LPAR1: variants seen among roughly 807,000 people sequenced by gnomAD.
The protein encoded by LPAR1 is LPA receptor 1.
Under a neutral mutation model 23.8 loss-of-function variants are expected in LPAR1, and 5 were observed. That is an observed-to-expected ratio of 0.21 (90% CI 0.11 to 0.44). The LOEUF (loss-of-function observed/expected upper bound fraction) is 0.44, where lower values mean the gene tolerates loss of function less well. LPAR1 is among the 20% of genes least tolerant of loss of function. LPAR1 has a pLI of 0.99. For synonymous variants in LPAR1, 160 were observed against 164.7 expected (o/e 0.97, Z 0.22); for missense variants, 311 against 482.8 (o/e 0.64, Z 3.33).
At chr9:110,925,914 G>GTT (rs940852739) in intron 5 of LPAR1, among the ~76,000 whole-genome samples, 1 of 151,070 alleles carries the variant, frequency 6.6e-6, no homozygotes, top group Non-Finnish European at 1.5e-5. Flanking sequence ...ATCAGAACTG[G>GTT]TTTTTTTTTG....
At chr9:110,938,118 C>T (rs146902452) in intron 5 of LPAR1, among the ~76,000 whole-genome samples, 5 of 152,154 alleles carry the variant, frequency 3.3e-5, no homozygotes, top group Non-Finnish European at 7.3e-5. Context: ...ACCAGATAGC[C>T]GTGACAGGCA....
At position 110,940,417 on chromosome 9, in the gene LPAR1, A is replaced by C. The variant is rs562979347; in HGVS notation, c.793+1004T>G. 3.2e-4 allele frequency among the ~76,000 whole-genome samples: 49 copies of C among 152,374 alleles called. 1 individual carries two copies. The South Asian group carries it at 9.5e-3, about 30-fold the overall frequency. On this transcript the variant is annotated intron_variant, in intron 5 of 5. Coordinates refer to ENST00000683809, the MANE Select transcript of LPAR1 (RefSeq NM_001351411.2). ...CCAAAAATGCTATATAAATTGGAGC[A>C]CAGAGAATTATAGGAACTTTCCATT...
intron 5 of LPAR1, among the ~76,000 whole-genome samples, chr9:110,888,306 C>T (rs542217923): frequency 5.3e-5 from 8 of 152,266 alleles, no homozygotes; most frequent in African/African-American, 1.9e-4. Flanking sequence ...CAATTTGGCT[C>T]CTCCAGAATA....
intron 4 of LPAR1, among the ~76,000 whole-genome samples, chr9:110,959,939 G>T (rs548913061): frequency 2.6e-4 from 39 of 152,032 alleles, no homozygotes; most frequent in African/African-American, 7.7e-4. Context: ...ATGAACATAG[G>T]ATTAAAAAAA....
chr9:110,958,760 G>A (rs1393755655), intron 4 of LPAR1, among the ~76,000 whole-genome samples: 1 of 151,628 alleles, frequency 6.6e-6, no homozygotes, highest in Non-Finnish European at 1.5e-5. Flanking sequence ...TAGAATGAGA[G>A]GCAACTGGTT....
intron 5 of LPAR1, among the ~76,000 whole-genome samples, chr9:110,937,704 A>C (rs1205585879): frequency 6.6e-6 from 1 of 152,236 alleles, no homozygotes; most frequent in Non-Finnish European, 1.5e-5. Context: ...ATTGCCCATT[A>C]TTAATCTCAA....
intron 2 of LPAR1, among the ~76,000 whole-genome samples, chr9:111,021,950 C>T (rs1233788706): frequency 7.2e-5 from 8 of 110,860 alleles, no homozygotes; most frequent in African/African-American, 2.3e-4. Flanking sequence ...GGTGACAGAG[C>T]GAGACTCCGT....
At chr9:111,008,694 A>C (rs1437028557) in intron 2 of LPAR1, among the ~76,000 whole-genome samples, 3 of 152,184 alleles carry the variant, frequency 2.0e-5, no homozygotes, top group African/African-American at 7.2e-5. Context: ...TAGGTAGGAA[A>C]GAGTCGCCCC....
chr9:110,910,655 C>A (rs141308270), intron 5 of LPAR1, among the ~76,000 whole-genome samples: 1 of 152,134 alleles, frequency 6.6e-6, no homozygotes, highest in Non-Finnish European at 1.5e-5. Flanking sequence ...AAAGAATTCA[C>A]CATTCTAGAT....
intron 4 of LPAR1, among the ~76,000 whole-genome samples, chr9:110,951,078 G>C (rs2136644724): frequency 6.6e-6 from 1 of 152,258 alleles, no homozygotes; most frequent in South Asian, 2.1e-4. Context: ...CTTGATATGA[G>C]AGATATGATT....
intron 2 of LPAR1, among the ~76,000 whole-genome samples, chr9:110,997,080 T>C (rs761182042): frequency 3.3e-5 from 5 of 152,314 alleles, no homozygotes; most frequent in South Asian, 4.1e-4. Context: ...GTGCCTGGTA[T>C]TGGGAAACAT....
intron 4 of LPAR1, among the ~76,000 whole-genome samples, chr9:110,967,030 G>A (rs1289912498): frequency 6.6e-6 from 1 of 152,266 alleles, no homozygotes; most frequent in African/African-American, 2.4e-5. Flanking sequence ...CACAGGATAC[G>A]AACACATTAA....
intron 5 of LPAR1, among the ~76,000 whole-genome samples, chr9:110,927,102 A>C (rs1295494610): frequency 6.6e-6 from 1 of 152,240 alleles, no homozygotes; most frequent in Admixed American, 6.5e-5. Flanking sequence ...CGTGGTACAG[A>C]TAAAGAAGTT....
At chr9:111,020,660 A>C (rs571541142) in intron 2 of LPAR1, among the ~76,000 whole-genome samples, 37 of 151,956 alleles carry the variant, frequency 2.4e-4, no homozygotes, top group African/African-American at 8.9e-4. Flanking sequence ...TTCACACCCA[A>C]CCTGTTTCTA....
chr9:110,919,055 T>G (rs1251645477), intron 5 of LPAR1, among the ~76,000 whole-genome samples: 1 of 152,148 alleles, frequency 6.6e-6, no homozygotes, highest in African/African-American at 2.4e-5. Context: ...ACTCCCTTGA[T>G]TAGGTTCTGT....
chr9:110,977,846 GGGAAGGAAGGAAGGAA>G (rs1196226719), intron 2 of LPAR1, among the ~76,000 whole-genome samples: 1,406 of 75,212 alleles, frequency 0.019, 27 homozygotes, highest in African/African-American at 0.06. Context: ...GAAGGAAGGA[GGGAAGGAAGGAAGGAA>G]GGAAGGAAGG....
chr9:111,022,302 G>C (rs1418012216), intron 2 of LPAR1, among the ~76,000 whole-genome samples: 1 of 152,128 alleles, frequency 6.6e-6, no homozygotes, highest in East Asian at 1.9e-4. Context: ...TTAAGACAAG[G>C]CTCCCAGGGC....
At chr9:111,011,272 C>T (rs893676453) in intron 2 of LPAR1, among the ~76,000 whole-genome samples, 2 of 152,186 alleles carry the variant, frequency 1.3e-5, no homozygotes, top group African/African-American at 2.4e-5. Flanking sequence ...TTTATAGCAT[C>T]TCATCATTGG....
chr9:111,009,917 A>G (rs752848956), intron 2 of LPAR1, among the ~76,000 whole-genome samples: 1 of 149,802 alleles, frequency 6.7e-6, no homozygotes, highest in African/African-American at 2.5e-5. Context: ...TGATTTTTAT[A>G]TTTTACAAAT....
Sources: allele counts gnomAD v4.1 joint callset (sites outside exome capture counted in the v4.1 genomes callset), GRCh38; gene constraint gnomAD v4.1.1; transcripts MANE v1.5; gene names NCBI Gene and HGNC (gene_info 2026-07-23, HGNC 2026-07-21).